The following OTOF variants were observed in gnomAD, a reference collection of about 807,000 sequenced individuals.
OTOF encodes the protein otoferlin.
In OTOF, 218 loss-of-function variants were observed where a neutral mutation model predicts 236.8. The observed-to-expected ratio is 0.92, with a 90% CI of 0.82 to 1.03. The LOEUF is 1.03. Ranked by LOEUF, OTOF falls within the 50% of genes least tolerant of loss-of-function variation. The pLI is 0.00. For synonymous variants in OTOF, 1,041 were observed against 1,072.5 expected (o/e 0.97, Z 0.57); for missense variants, 2,590 against 2,694.4 (o/e 0.96, Z 0.86).
Position 26,457,836 on chromosome 2 carries a change from A to AG in OTOF, c.*401dup. ...ATCCAAGGCTCCCCAGCCCACAGGC[A>AG]GGGGTCAGAGGGGCGGGACTGGGCA... On this transcript the variant is annotated 3_prime_UTR_variant, in exon 47 of 47. Coordinates refer to ENST00000272371, the MANE Select transcript of OTOF (RefSeq NM_194248.3). The surrounding 1 kb of genome is among the most constrained non-coding windows in gnomAD (Gnocchi z 4.4). 1 of 573,752 alleles carries AG rather than the reference A, an allele frequency of 1.7e-6. No homozygotes were observed. The highest frequency in any genetic ancestry group is 2.2e-5 in the South Asian group (1 of 44,600). The allele number at this position is 573,752 out of a possible 1,614,324, so 35.5% of individuals were successfully genotyped here. A position where few individuals can be genotyped will look rare whatever the true frequency, so the allele number is the denominator to read the frequency against.
intron 4 of OTOF, among the ~76,000 whole-genome samples, chr2:26,518,341 G>T (rs1666586446): frequency 1.3e-5 from 2 of 152,254 alleles, no homozygotes; most frequent in South Asian, 4.1e-4. Flanking sequence ...ACTTTGAGGT[G>T]ATATGTAGCT....
chr2:26,528,636 C>A (rs1173372551), intron 2 of OTOF, among the ~76,000 whole-genome samples: 2 of 152,202 alleles, frequency 1.3e-5, no homozygotes, highest in Admixed American at 1.3e-4. Flanking sequence ...GAAGTGGCAA[C>A]AATGGCTCAA....
Position 26,489,712 on chromosome 2 carries a change from G to A in OTOF, c.926C>T (p.Pro309Leu), listed in dbSNP as rs574070900. The change falls in exon 10 of 47, where the codon CCG (proline) becomes CTG (leucine). Residue 309 changes from proline (P) to leucine (L), a missense_variant. Pro to Leu is a moderately conservative substitution (Grantham distance 98, BLOSUM62 -3). This residue lies in a region of OTOF where 1,379 missense variants were observed against 1,341.6 expected (regional missense o/e 1.03). Transcript: ENST00000272371. ...GATGATCTTGTCAAACATGACATCC[G>A]GAGAGACATGGAAGTCGAAGACGAA... ...EYFVFDFHVS[P>L]DVMFDKIIKI... 8.0e-5 allele frequency: 129 copies of A among 1,612,934 alleles called. 2 individuals are homozygous for A. The South Asian group carries it at 1.2e-3, about 14-fold the overall frequency.
chr2:26,534,726 G>A (rs905001403), intron 2 of OTOF, among the ~76,000 whole-genome samples: 1 of 152,166 alleles, frequency 6.6e-6, no homozygotes, highest in Non-Finnish European at 1.5e-5. Flanking sequence ...TTACAGAAGG[G>A]GAATCCAAAG....
At chr2:26,472,060 A>ACATG (rs1180649174) in intron 30 of OTOF, among the ~76,000 whole-genome samples, 1 of 151,846 alleles carries the variant, frequency 6.6e-6, no homozygotes, top group Non-Finnish European at 1.5e-5. Context: ...TGCTCATACC[A>ACATG]CATGCATGCA....
rs760487390 is a variant in OTOF, at chr2:26,473,537, G to A, written c.3439C>T (p.Arg1147Trp). The A allele has an allele frequency of 9.9e-6, 16 of 1,610,920 alleles. No homozygotes were observed. The East Asian group carries it at 1.3e-4, about 13-fold the overall frequency. Residue 1147 changes from arginine to tryptophan, a missense_variant, in exon 28 of 47, where the codon CGG (arginine) becomes TGG (tryptophan). Physicochemically the swap from Arg to Trp is moderately radical, Grantham distance 101. Transcript: ENST00000272371. This position sits in a 1 kb window ranked among gnomAD's most constrained non-coding sequence, Gnocchi z 7.2. ...VLFWGLRDLK[R>W]VNLAQVDRPR... Reference sequence around the variant, plus strand: ...CGGTCCACCTGGGCCAGGTTCACCCGCTTTAGGTCCCGTAGGCCCCAGAAC... The same window carrying A: ...CGGTCCACCTGGGCCAGGTTCACCCACTTTAGGTCCCGTAGGCCCCAGAAC...
At chr2:26,530,140 G>T (rs1666909171) in intron 2 of OTOF, among the ~76,000 whole-genome samples, 1 of 152,064 alleles carries the variant, frequency 6.6e-6, no homozygotes, top group South Asian at 2.1e-4. Context: ...CCCCCTGAGG[G>T]TCTGTGGGTG....
At chr2:26,472,725 T>G (rs965683857) in intron 29 of OTOF, 76 bp from the exon 30 acceptor site, 1 of 1,484,122 alleles carries the variant, frequency 6.7e-7, no homozygotes, top group Non-Finnish European at 9.2e-7. Flanking sequence ...GGCAGGAAGG[T>G]GCGGAGAACT....
intron 22 of OTOF, 91 bp from the exon 23 acceptor site, chr2:26,476,408 G>A (rs958828074): frequency 8.0e-7 from 1 of 1,242,306 alleles, no homozygotes; most frequent in Non-Finnish European, 1.1e-6. Context: ...GCCCTGGTCA[G>A]AGCTGCCCTG....
chr2:26,528,318 G>A (rs1666860804), intron 2 of OTOF, among the ~76,000 whole-genome samples: 1 of 152,206 alleles, frequency 6.6e-6, no homozygotes, highest in Admixed American at 6.5e-5. Context: ...AGCAAGGAAT[G>A]TGGGTGTGAG....
intron 2 of OTOF, 74 bp downstream of exon 2, chr2:26,537,642 G>T (rs1237847124): frequency 1.7e-6 from 2 of 1,170,608 alleles, no homozygotes; most frequent in African/African-American, 1.5e-5. Flanking sequence ...GTGTGTGCCC[G>T]CAAGAGGCAG....
intron 9 of OTOF, among the ~76,000 whole-genome samples, chr2:26,492,616 C>T (rs1003961698): frequency 6.6e-6 from 1 of 152,174 alleles, no homozygotes; most frequent in Non-Finnish European, 1.5e-5. Flanking sequence ...GCGGCAGATG[C>T]TCAGTGGATG....
chr2:26,505,362 C>T (rs1228082707), intron 5 of OTOF, among the ~76,000 whole-genome samples: 1 of 151,890 alleles, frequency 6.6e-6, no homozygotes, highest in Admixed American at 6.6e-5. Flanking sequence ...AAGCTGATGC[C>T]TTTGGAATTA....
chr2:26,508,063 C>G (rs186432698), intron 5 of OTOF, among the ~76,000 whole-genome samples: 1 of 152,132 alleles, frequency 6.6e-6, no homozygotes, highest in African/African-American at 2.4e-5. Context: ...ATTCTGAAAG[C>G]TAATAGAGAC....
Position 26,489,677 on chromosome 2 carries a change from C to A in OTOF, c.960+1G>T. On this transcript the variant is annotated splice_donor_variant, in intron 10 of 46. Transcript: ENST00000272371. LOFTEE classifies it high-confidence loss of function. ...CCGGCCAGGGGCTGCTCCCCACTCA[C>A]CGAAATCTTGATGATCTTGTCAAAC... The A allele has an allele frequency of 6.2e-7, 1 of 1,612,396 alleles. No homozygotes were observed. The highest frequency in any genetic ancestry group is 8.5e-7 in the Non-Finnish European group (1 of 1,179,364).
At position 26,474,612 on chromosome 2, in the gene OTOF, C is replaced by T. The variant is rs80356573; in HGVS notation, c.3189G>A (p.Ala1063=). ...AKPLVKMADE[A]YCPPRFPPQL... is the part of the protein sequence containing the mutation. ...GAGGTGGGAAGCGGGGTGGGCAGTA[C>T]GCCTCGTCTGCCATCTTCACCAGGG... The change falls in exon 26 of 47, where the codon GCG becomes GCA. Residue 1063 remains alanine, a synonymous_variant. Transcript: ENST00000272371. 30,799 of 1,613,148 alleles carry T rather than the reference C, an allele frequency of 0.019. 374 individuals are homozygous for T. Among genetic ancestry groups the T allele is most frequent in the Non-Finnish European group, 0.022 (26,140 of 1,179,900 alleles).
chr2:26,544,541 G>T (rs186033669), intron 1 of OTOF, among the ~76,000 whole-genome samples: 138 of 152,284 alleles, frequency 9.1e-4, no homozygotes, highest in African/African-American at 3.2e-3. Context: ...TAGAGTAATA[G>T]CCCGTTGCAT....
At chr2:26,467,003 C>T (rs1664758527) in intron 35 of OTOF, 96 bp downstream of exon 35, 11 of 1,563,728 alleles carry the variant, frequency 7.0e-6, no homozygotes, top group Admixed American at 1.7e-5. Flanking sequence ...CTTCTGGAGG[C>T]AGTGGCCGGG....
At chr2:26,465,421 C>T (rs1664678502) in intron 38 of OTOF, among the ~76,000 whole-genome samples, 1 of 152,230 alleles carries the variant, frequency 6.6e-6, no homozygotes, top group African/African-American at 2.4e-5. Context: ...TTGCTAGCCC[C>T]CACCTTCCCT....
Sources: allele counts gnomAD v4.1 joint callset (sites outside exome capture counted in the v4.1 genomes callset), GRCh38; gene constraint gnomAD v4.1.1; regional missense constraint gnomAD v4.1.1; non-coding constraint Gnocchi (gnomAD v3.1); transcripts MANE v1.5; gene names NCBI Gene and HGNC (gene_info 2026-07-23, HGNC 2026-07-21).